DOCK5: variants seen among roughly 807,000 people sequenced by gnomAD.
DOCK5 encodes the protein dedicator of cytokinesis 5.
In DOCK5, 142 loss-of-function variants were observed where a neutral mutation model predicts 251.8. The observed-to-expected ratio is 0.56, with a 90% CI of 0.49 to 0.65. The LOEUF is 0.65. Ranked by LOEUF, DOCK5 falls within the 30% of genes least tolerant of loss-of-function variation. The probability of loss-of-function intolerance (pLI) is 0.00; values close to 1 mark genes in which losing one functional copy is unlikely to be tolerated. For missense variants in DOCK5, 2,111 were observed against 2,312.3 expected (o/e 0.91, Z 1.79); for synonymous variants, 842 against 835.5 (o/e 1.01, Z -0.13).
intron 1 of DOCK5, among the ~76,000 whole-genome samples, chr8:25,241,934 A>G (rs1466424707): frequency 2.0e-5 from 3 of 151,996 alleles, no homozygotes; most frequent in South Asian, 2.1e-4. Context: ...GTTCTCACTC[A>G]TAAGTGGGAG....
chr8:25,219,596 A>G (rs1802330513), intron 1 of DOCK5, among the ~76,000 whole-genome samples: 1 of 152,176 alleles, frequency 6.6e-6, no homozygotes, highest in Admixed American at 6.5e-5. Context: ...ATGTCTGAAA[A>G]TATCTCTATT....
chr8:25,217,794 C>A lies in DOCK5; in HGVS notation c.44-25880C>A, dbSNP rs1246807487. Among the ~76,000 whole-genome samples, 3 of 152,142 alleles carry A rather than the reference C, an allele frequency of 2.0e-5. No homozygotes were observed. In the East Asian group the frequency reaches 5.8e-4, roughly 29 times the overall value. On this transcript the variant is annotated intron_variant, in intron 1 of 51. Transcript: ENST00000276440. ...TGAATCATGTAGTGAGGAAATAATTCTTTAAAAATTCTCTTTCAGTATTTC... is the reference window on the plus strand; with the variant it reads ...TGAATCATGTAGTGAGGAAATAATTATTTAAAAATTCTCTTTCAGTATTTC...
intron 12 of DOCK5, 128 bp from the exon 13 acceptor site, chr8:25,310,279 A>AC: frequency 1.1e-6 from 1 of 929,672 alleles, no homozygotes; most frequent in Non-Finnish European, 1.5e-6. Flanking sequence ...TTATAAGTCA[A>AC]CTGGGGGAGA....
chr8:25,334,528 T>C (rs1267061649), intron 21 of DOCK5, among the ~76,000 whole-genome samples: 2 of 151,940 alleles, frequency 1.3e-5, no homozygotes, highest in East Asian at 1.9e-4. Context: ...CTAGGCAACA[T>C]AACAAGAACC....
At chr8:25,332,152 T>C in intron 18 of DOCK5, 99 bp from the exon 19 acceptor site, 1 of 790,448 alleles carries the variant, frequency 1.3e-6, no homozygotes, top group Non-Finnish European at 2.1e-6. Flanking sequence ...TTAGCCACTA[T>C]TGAGAGCAAT....
chr8:25,351,918 A>C, intron 27 of DOCK5, 92 bp downstream of exon 27: 1 of 877,824 alleles, frequency 1.1e-6, no homozygotes, highest in South Asian at 1.5e-5. Flanking sequence ...GCTTGAGACT[A>C]TTCTTCACAT....
rs556910760 is a variant in DOCK5, at chr8:25,245,253, T to C, written c.127+1496T>C. The stretch of plus-strand genomic sequence containing the variant: ...TTATATTTTTAGTAGAGACGGAGTT[T>C]CACCATGTTAGCCAGGATGGTCTCG... On this transcript the variant is annotated intron_variant, in intron 2 of 51. Transcript: ENST00000276440. 1.2e-3 allele frequency among the ~76,000 whole-genome samples: 186 copies of C among 152,236 alleles called. 1 individual carries two copies. Among genetic ancestry groups the C allele is most frequent in the African/African-American group, 4.2e-3 (174 of 41,546 alleles).
chr8:25,241,945 T>G (rs1336667720), intron 1 of DOCK5, among the ~76,000 whole-genome samples: 1 of 150,496 alleles, frequency 6.6e-6, no homozygotes, highest in African/African-American at 2.5e-5. Flanking sequence ...TAAGTGGGAG[T>G]TGAACAATGA....
intron 37 of DOCK5, chr8:25,376,580 A>G (rs534097254): frequency 4.1e-5 from 7 of 171,300 alleles, no homozygotes; most frequent in African/African-American, 1.7e-4. Context: ...ATTTTTCCAT[A>G]TGGACTTTGG....
At chr8:25,397,137 G>A (rs1002576758) in intron 45 of DOCK5, among the ~76,000 whole-genome samples, 7 of 151,808 alleles carry the variant, frequency 4.6e-5, no homozygotes, top group African/African-American at 1.7e-4. Context: ...CATTAGAATT[G>A]CTTGAACCCG....
At chr8:25,276,906 C>G (rs1466236812) in intron 4 of DOCK5, 1 of 152,164 alleles carries the variant, frequency 6.6e-6, no homozygotes. Flanking sequence ...GCCACTTGCT[C>G]CCGTGCCTCA....
chr8:25,228,131 C>T (rs1053777906), intron 1 of DOCK5, among the ~76,000 whole-genome samples: 2 of 152,150 alleles, frequency 1.3e-5, no homozygotes, highest in South Asian at 4.1e-4. Context: ...CCTGCCTTGG[C>T]CTCCCAAAGT....
intron 11 of DOCK5, among the ~76,000 whole-genome samples, chr8:25,307,298 T>C (rs1460095876): frequency 6.6e-6 from 1 of 152,056 alleles, no homozygotes; most frequent in Non-Finnish European, 1.5e-5. Flanking sequence ...TTTCTATTTT[T>C]AGTAGAGACG....
At chr8:25,234,026 A>G (rs1339414602) in intron 1 of DOCK5, among the ~76,000 whole-genome samples, 1 of 152,236 alleles carries the variant, frequency 6.6e-6, no homozygotes, top group Non-Finnish European at 1.5e-5. Flanking sequence ...CAGAGGTTAA[A>G]GGAGTCAGGC....
Position 25,380,293 on chromosome 8 carries a change from C to G in DOCK5, c.3937-12C>G. The G allele has an allele frequency of 1.2e-6, 2 of 1,603,988 alleles. No individual in the cohort carries two copies. Among genetic ancestry groups the G allele is most frequent in the Non-Finnish European group, 1.7e-6 (2 of 1,174,874 alleles). ...GTTCTCCACTTTTAACCTTACTTTC[C>G]TTTTTCTGAAGATGTGGGAGAAGGC... On this transcript the variant is annotated splice_polypyrimidine_tract_variant and intron_variant, in intron 38 of 51. Coordinates refer to ENST00000276440, the MANE Select transcript of DOCK5 (RefSeq NM_024940.8).
chr8:25,292,316 T>G, intron 6 of DOCK5, 144 bp downstream of exon 6: 1 of 1,041,374 alleles, frequency 9.6e-7, no homozygotes, highest in South Asian at 1.9e-5. Flanking sequence ...TTGAAGACAT[T>G]TAATTTTGTT....
rs148228653 is a variant in DOCK5, at chr8:25,286,247, C to T, written c.322-5777C>T. Among the ~76,000 whole-genome samples, 66 of 152,144 alleles carry T rather than the reference C, an allele frequency of 4.3e-4. 1 individual carries two copies. The East Asian group carries it at 0.011, about 26-fold the overall frequency. On this transcript the variant is annotated intron_variant, in intron 5 of 51. Coordinates refer to ENST00000276440, the MANE Select transcript of DOCK5 (RefSeq NM_024940.8). ...GGCATGAGATTGATTGCAATGAGCT[C>T]GACACCGGGAAAATTTGATTCAACG...
chr8:25,266,234 G>C (rs75527996), intron 2 of DOCK5, among the ~76,000 whole-genome samples: 2 of 137,750 alleles, frequency 1.5e-5, no homozygotes, highest in African/African-American at 5.5e-5. Context: ...TTTTTTTTTT[G>C]AGATGGAGTC....
chr8:25,270,779 C>G (rs778799080), intron 3 of DOCK5: 21 of 710,982 alleles, frequency 3.0e-5, no homozygotes. Flanking sequence ...GTCATTTCCT[C>G]ATTTCCACAG....
Sources: allele counts gnomAD v4.1 joint callset (sites outside exome capture counted in the v4.1 genomes callset), GRCh38; gene constraint gnomAD v4.1.1; transcripts MANE v1.5; gene names NCBI Gene and HGNC (gene_info 2026-07-23, HGNC 2026-07-21).